The following ANKHD1 variants were observed in gnomAD, a reference collection of about 807,000 sequenced individuals.
ANKHD1 encodes the protein ankyrin repeat and KH domain-containing protein 1.
A neutral mutation model predicts 230.5 loss-of-function variants in ANKHD1; 31 were observed. The ratio of observed to expected loss-of-function variants is 0.13; its 90% CI spans 0.10 to 0.18. ANKHD1 has a LOEUF of 0.18. Ranked by LOEUF, ANKHD1 falls within the 10% of genes least tolerant of loss-of-function variation. ANKHD1 has a pLI of 1.00. For missense variants in ANKHD1, 2,256 were observed against 3,071.3 expected, an observed-to-expected ratio of 0.73 and a Z score of 6.27; for synonymous variants, 1,074 against 1,117.6, an observed-to-expected ratio of 0.96 and a Z score of 0.78.
chr5:140,487,179 T>G, intron 14 of ANKHD1, 119 bp downstream of exon 14: 1 of 1,097,890 alleles, frequency 9.1e-7, no homozygotes, highest in Non-Finnish European at 1.2e-6. Context: ...GGTAGATAAT[T>G]CTGACAAATG....
chr5:140,458,754 A>C lies in ANKHD1; in HGVS notation c.1372A>C (p.Ile458Leu), dbSNP rs745444334. 9 of 1,613,104 alleles carry C rather than the reference A, an allele frequency of 5.6e-6. No homozygotes were observed. Among genetic ancestry groups the C allele is most frequent in the Non-Finnish European group, 7.6e-6 (9 of 1,179,756 alleles). ...ACATGTTGAATTGGCAGCTCTACTTATTGAAAGGGGAGCAAATCTTGAAGA... is the reference window on the plus strand; with the variant it reads ...ACATGTTGAATTGGCAGCTCTACTTCTTGAAAGGGGAGCAAATCTTGAAGA... Reference protein sequence around the residue: ...GGHVELAALLIERGANLEEVN... With the variant: ...GGHVELAALLLERGANLEEVN... The change falls in exon 8 of 34, where the codon ATT becomes CTT. Residue 458 changes from isoleucine (I) to leucine (L), a missense_variant. Coordinates refer to ENST00000360839, the MANE Select transcript of ANKHD1 (RefSeq NM_017747.3).
intron 29 of ANKHD1, among the ~76,000 whole-genome samples, chr5:140,530,607 A>C (rs1438503965): frequency 6.6e-6 from 1 of 152,232 alleles, no homozygotes; most frequent in African/African-American, 2.4e-5. Flanking sequence ...TGAAATTATA[A>C]ATTAGCTGCC....
chr5:140,537,583 G>A lies in ANKHD1; in HGVS notation c.7222G>A (p.Val2408Met), dbSNP rs1337791019. 1 of 1,578,346 alleles carries A rather than the reference G, an allele frequency of 6.3e-7. No homozygotes were observed. Among genetic ancestry groups the A allele is most frequent in the Non-Finnish European group, 8.6e-7 (1 of 1,162,074 alleles). Residue 2408 changes from valine (V) to methionine (M), a missense_variant, in exon 31 of 34, where the codon GTG becomes ATG. By Grantham distance (21) the Val-to-Met change is conservative. Coordinates refer to ENST00000360839, the MANE Select transcript of ANKHD1 (RefSeq NM_017747.3). ...SGIWSFGVNA[V>M]SEGLSGWSQS... ...AATCTGGTCATTTGGTGTCAATGCT[G>A]TGTCAGGTACAATTGCCTTGCTCTC...
At chr5:140,418,754 C>T (rs891706476) in intron 1 of ANKHD1, among the ~76,000 whole-genome samples, 4 of 151,964 alleles carry the variant, frequency 2.6e-5, no homozygotes, top group East Asian at 3.9e-4. Context: ...CTTTTGAGTC[C>T]GAGTCTTGCT....
intron 10 of ANKHD1, chr5:140,472,249 A>G (rs1776545276): frequency 6.2e-7 from 1 of 1,612,556 alleles, no homozygotes; most frequent in Non-Finnish European, 8.5e-7. Context: ...GACAAGCAGG[A>G]GGACATGAAG....
chr5:140,490,714 G>A (rs1751734691), intron 14 of ANKHD1, among the ~76,000 whole-genome samples: 1 of 152,118 alleles, frequency 6.6e-6, no homozygotes, highest in Admixed American at 6.5e-5. Context: ...GAATTAATCT[G>A]CTGCAAAGCA....
intron 7 of ANKHD1, among the ~76,000 whole-genome samples, chr5:140,451,201 A>C: frequency 6.8e-6 from 1 of 146,412 alleles, no homozygotes; most frequent in African/African-American, 2.8e-5. Context: ...AAATTCAAGT[A>C]AATTCAAGTA....
intron 4 of ANKHD1, among the ~76,000 whole-genome samples, chr5:140,440,790 T>G (rs1452963797): frequency 6.6e-6 from 1 of 152,196 alleles, no homozygotes; most frequent in Non-Finnish European, 1.5e-5. Flanking sequence ...ATACTTTATT[T>G]AAATATTAAT....
chr5:140,435,814 C>G (rs1055852110), intron 1 of ANKHD1, among the ~76,000 whole-genome samples: 1 of 152,076 alleles, frequency 6.6e-6, no homozygotes, highest in Non-Finnish European at 1.5e-5. Flanking sequence ...GGATCACAGG[C>G]GTGGGCCACT....
At chr5:140,438,320 A>G in intron 2 of ANKHD1, 141 bp from the exon 3 acceptor site, 1 of 1,243,584 alleles carries the variant, frequency 8.0e-7, no homozygotes, top group Non-Finnish European at 1.1e-6. Flanking sequence ...GATAAGCCTT[A>G]TCTTCTGTCA....
chr5:140,522,589 T>G (rs1753400711), intron 24 of ANKHD1, among the ~76,000 whole-genome samples: 1 of 152,250 alleles, frequency 6.6e-6, no homozygotes, highest in Admixed American at 6.5e-5. Flanking sequence ...TAACTCTACT[T>G]GATCATGATG....
At chr5:140,445,400 A>C (rs1285754669) in intron 5 of ANKHD1, among the ~76,000 whole-genome samples, 3 of 152,128 alleles carry the variant, frequency 2.0e-5, no homozygotes, top group African/African-American at 7.2e-5. Context: ...GCTACTCAGG[A>C]GGCCGAGGCA....
chr5:140,402,251 G>T lies in ANKHD1; in HGVS notation c.284G>T (p.Ser95Ile). 4 of 1,503,698 alleles carry T rather than the reference G, an allele frequency of 2.7e-6. No individual in the cohort carries two copies. The highest frequency in any genetic ancestry group is 3.5e-6 in the Non-Finnish European group (4 of 1,132,436). The allele number at this position is 1,503,698 out of a possible 1,614,324, so 93.1% of individuals were successfully genotyped here. A position where few individuals can be genotyped will look rare whatever the true frequency, so the allele number is the denominator to read the frequency against. The change falls in exon 1 of 34, where the codon AGT becomes ATT. Residue 95 changes from serine to isoleucine, a missense_variant. Ser to Ile is a moderately radical substitution (Grantham distance 142). Around this residue, in one of 13 missense-constraint regions of ANKHD1, gnomAD observed 193 missense variants for 185.8 expected, o/e 1.04. Coordinates refer to ENST00000360839, the MANE Select transcript of ANKHD1 (RefSeq NM_017747.3). ...RTGGGGGASG[S>I]DEDEVSEVES... is the part of the protein sequence containing the mutation. ...GGGGGTGGAGGTGGTGCCTCTGGCA[G>T]TGACGAGGACGAAGTGTCCGAGGTA...
At chr5:140,463,760 A>G (rs746121395) in intron 9 of ANKHD1, among the ~76,000 whole-genome samples, 14 of 152,000 alleles carry the variant, frequency 9.2e-5, no homozygotes, top group Admixed American at 2.0e-4. Context: ...GGCTCAAGCA[A>G]TTCTCCCATC....
At chr5:140,472,324 TA>T in intron 10 of ANKHD1, 1 of 1,612,308 alleles carries the variant, frequency 6.2e-7, no homozygotes, top group Non-Finnish European at 8.5e-7. Flanking sequence ...GCTTGTAAGC[TA>T]CTACGTAAAG....
intron 1 of ANKHD1, among the ~76,000 whole-genome samples, chr5:140,419,494 C>T (rs1339187922): frequency 8.0e-5 from 11 of 138,086 alleles, no homozygotes; most frequent in Admixed American, 3.8e-4. Flanking sequence ...TGGTCTCACT[C>T]TGTCACCCAG....
chr5:140,536,091 A>G (rs1440400318), intron 30 of ANKHD1, among the ~76,000 whole-genome samples: 1 of 148,646 alleles, frequency 6.7e-6, no homozygotes, highest in East Asian at 2.0e-4. Flanking sequence ...TGTTCTATTG[A>G]TTGATTGATT....
At chr5:140,406,199 C>T (rs1033135207) in intron 1 of ANKHD1, among the ~76,000 whole-genome samples, 2 of 151,188 alleles carry the variant, frequency 1.3e-5, no homozygotes, top group African/African-American at 4.9e-5. Context: ...GATCACGCCA[C>T]TGCCCTCCAG....
chr5:140,501,243 A>T (rs1752290850), intron 15 of ANKHD1, among the ~76,000 whole-genome samples: 1 of 150,886 alleles, frequency 6.6e-6, no homozygotes, highest in African/African-American at 2.4e-5. Flanking sequence ...TGCCTGACTA[A>T]TTTTTTTTGT....
Sources: gnomAD v4.1 joint callset for allele counts (sites outside exome capture counted in the v4.1 genomes callset) on GRCh38, gnomAD v4.1.1 for gene constraint, gnomAD v4.1.1 regional missense constraint, MANE v1.5 for transcripts, NCBI Gene and HGNC (gene_info 2026-07-23, HGNC 2026-07-21) for gene names.